Variants in CSMD2 observed in about 807,000 individuals in gnomAD.
CSMD2 encodes CUB and Sushi multiple domains 2.
Under a neutral mutation model 398.5 loss-of-function variants are expected in CSMD2, and 130 were observed. That is an observed-to-expected ratio of 0.33 (90% CI 0.28 to 0.38). The LOEUF (loss-of-function observed/expected upper bound fraction) is 0.38, where lower values mean the gene tolerates loss of function less well. Ranked by LOEUF, CSMD2 falls within the 10% of genes least tolerant of loss-of-function variation. The pLI, the probability that CSMD2 is intolerant of heterozygous loss-of-function variation, is 1.00. For missense variants in CSMD2, 3,829 were observed against 4,764.9 expected (o/e 0.80, Z 5.78); for synonymous variants, 1,828 against 1,908.5 (o/e 0.96, Z 1.10).
Position 34,095,634 on chromosome 1 carries a change from C to T in CSMD2, c.188-6441G>A, listed in dbSNP as rs1258822741. On this transcript the variant is annotated intron_variant, in intron 1 of 70. Coordinates refer to ENST00000373381, the MANE Select transcript of CSMD2 (RefSeq NM_001281956.2). The stretch of plus-strand genomic sequence containing the variant: ...CCATCAGAGAATACTACAAACACCT[C>T]TACGCAAATAAACTAGAAAATCTAG... 3.3e-5 allele frequency among the ~76,000 whole-genome samples: 5 copies of T among 152,030 alleles called. No homozygotes were observed. The East Asian group carries it at 9.7e-4, about 29-fold the overall frequency.
intron 41 of CSMD2, among the ~76,000 whole-genome samples, chr1:33,610,334 C>T (rs1384095184): frequency 6.6e-6 from 1 of 151,638 alleles, no homozygotes; most frequent in African/African-American, 2.4e-5. Flanking sequence ...ACAAATGCTT[C>T]GGTCAGTCAC....
At chr1:34,045,127 A>G (rs1652365521) in intron 2 of CSMD2, among the ~76,000 whole-genome samples, 1 of 152,056 alleles carries the variant, frequency 6.6e-6, no homozygotes, top group Non-Finnish European at 1.5e-5. Flanking sequence ...CATTTCATCA[A>G]GAGCTTCTAA....
At chr1:34,092,123 C>T (rs998472014) in intron 1 of CSMD2, among the ~76,000 whole-genome samples, 4 of 152,058 alleles carry the variant, frequency 2.6e-5, no homozygotes, top group Non-Finnish European at 4.4e-5. Context: ...TTTATGGTAA[C>T]TACAAAATGC....
intron 68 of CSMD2, among the ~76,000 whole-genome samples, chr1:33,521,145 G>T (rs1459288355): frequency 6.6e-6 from 1 of 152,214 alleles, no homozygotes; most frequent in Non-Finnish European, 1.5e-5. Context: ...TGAGGCAGGG[G>T]TGACACCCAG....
At chr1:33,604,587 T>C (rs1414461766) in intron 42 of CSMD2, among the ~76,000 whole-genome samples, 1 of 152,254 alleles carries the variant, frequency 6.6e-6, no homozygotes, top group Non-Finnish European at 1.5e-5. Context: ...TTACTGCCCT[T>C]GCTAAGGCTT....
At chr1:33,711,746 C>T (rs1645997277) in intron 21 of CSMD2, among the ~76,000 whole-genome samples, 2 of 152,150 alleles carry the variant, frequency 1.3e-5, no homozygotes, top group South Asian at 4.2e-4. Context: ...CCTTCCTGGC[C>T]CTGCTTCCTG....
chr1:33,635,198 C>T lies in CSMD2; in HGVS notation c.5086+16G>A. The stretch of plus-strand genomic sequence containing the variant: ...GAGTCAGAAAACATATGAACAACAA[C>T]AACCAAAACCCATACCATAGTCCTT... On this transcript the variant is annotated intron_variant, in intron 31 of 70. Coordinates refer to ENST00000373381, the MANE Select transcript of CSMD2 (RefSeq NM_001281956.2). The surrounding 1 kb of genome is among the most constrained non-coding windows in gnomAD (Gnocchi z 5.0). 1 of 1,534,836 alleles carries T rather than the reference C, an allele frequency of 6.5e-7. No homozygotes were observed. The highest frequency in any genetic ancestry group is 9.0e-7 in the Non-Finnish European group (1 of 1,110,904).
chr1:34,082,698 A>G (rs1657391815), intron 2 of CSMD2, among the ~76,000 whole-genome samples: 1 of 152,268 alleles, frequency 6.6e-6, no homozygotes, highest in African/African-American at 2.4e-5. Flanking sequence ...AAGTAGACAT[A>G]GGAGACTCCA....
intron 19 of CSMD2, 144 bp from the exon 20 acceptor site, chr1:33,716,645 GGTGA>G: frequency 1.6e-6 from 1 of 633,280 alleles, no homozygotes; most frequent in South Asian, 1.9e-5. Flanking sequence ...AAATCATACA[GGTGA>G]ATCTGAATGA....
chr1:33,584,069 G>C (rs1638905112), intron 46 of CSMD2, among the ~76,000 whole-genome samples: 1 of 152,170 alleles, frequency 6.6e-6, no homozygotes, highest in Non-Finnish European at 1.5e-5. Flanking sequence ...TCACTTCCTA[G>C]ATAAGTTGTG....
chr1:34,164,821 GA>G lies in CSMD2; in HGVS notation c.187+89del. On this transcript the variant is annotated intron_variant, in intron 1 of 70. Transcript: ENST00000373381. This position sits in a 1 kb window ranked among gnomAD's most constrained non-coding sequence, Gnocchi z 6.2. The stretch of plus-strand genomic sequence containing the variant: ...ATTCAGGCAGGGATAGAGGCGGGGG[GA>G]GGGACTGGGACCGGGTCGAGGATGG... The G allele has an allele frequency of 9.3e-7, 1 of 1,073,720 alleles. No individual in the cohort carries two copies. The highest frequency in any genetic ancestry group is 1.2e-6 in the Non-Finnish European group (1 of 856,506). The allele number at this position is 1,073,720 out of a possible 1,614,324, so 66.5% of individuals were successfully genotyped here. A position where few individuals can be genotyped will look rare whatever the true frequency, so the allele number is the denominator to read the frequency against.
chr1:33,985,754 G>C (rs1254764464), intron 3 of CSMD2, among the ~76,000 whole-genome samples: 1 of 152,142 alleles, frequency 6.6e-6, no homozygotes, highest in Non-Finnish European at 1.5e-5. Flanking sequence ...AAGGTCCTTG[G>C]TGCACTGCCA....
At chr1:34,071,803 G>T (rs928309180) in intron 2 of CSMD2, among the ~76,000 whole-genome samples, 1 of 152,244 alleles carries the variant, frequency 6.6e-6, no homozygotes, top group African/African-American at 2.4e-5. Flanking sequence ...TGCTGGAATT[G>T]CTGAAACAGC....
intron 5 of CSMD2, among the ~76,000 whole-genome samples, chr1:33,904,210 G>A (rs1642931223): frequency 6.6e-6 from 1 of 152,232 alleles, no homozygotes; most frequent in Non-Finnish European, 1.5e-5. Context: ...GGTAGAAGCA[G>A]GGAGACAAGG....
chr1:33,828,063 C>T (rs1016288326), intron 6 of CSMD2, among the ~76,000 whole-genome samples: 2 of 152,206 alleles, frequency 1.3e-5, no homozygotes, highest in African/African-American at 2.4e-5. Context: ...GGTTTGTTCC[C>T]TGGCAGGCAA....
chr1:33,920,545 A>AC (rs1371128148), intron 4 of CSMD2, among the ~76,000 whole-genome samples: 1 of 127,484 alleles, frequency 7.8e-6, no homozygotes, highest in Non-Finnish European at 1.5e-5. Context: ...TCTGTCTCAA[A>AC]AAAAAAAAAA....
chr1:33,749,209 T>C (rs475577), intron 13 of CSMD2, among the ~76,000 whole-genome samples: 12,238 of 150,364 alleles, frequency 0.081, 551 homozygotes, highest in Admixed American at 0.12. Context: ...CGCCATTCTC[T>C]TGCCTCAGCA....
chr1:33,661,518 C>A (rs1644132731), intron 26 of CSMD2, among the ~76,000 whole-genome samples: 1 of 152,194 alleles, frequency 6.6e-6, no homozygotes, highest in Admixed American at 6.5e-5. Flanking sequence ...TATTGCAGAT[C>A]ATTTCCTTGG....
At chr1:33,946,358 G>A (rs1040275575) in intron 3 of CSMD2, among the ~76,000 whole-genome samples, 2 of 152,148 alleles carry the variant, frequency 1.3e-5, no homozygotes, top group African/African-American at 4.8e-5. Flanking sequence ...AATAGCAAGG[G>A]TACTTGACGT....
Sources: gnomAD v4.1 joint callset for allele counts (sites outside exome capture counted in the v4.1 genomes callset) on GRCh38, gnomAD v4.1.1 for gene constraint, Gnocchi (gnomAD v3.1) non-coding constraint, MANE v1.5 for transcripts, NCBI Gene and HGNC (gene_info 2026-07-23, HGNC 2026-07-21) for gene names.